Variants in HCN1 observed in about 807,000 individuals in gnomAD.
HCN1 encodes potassium/sodium hyperpolarization-activated cyclic nucleotide-gated channel 1.
Under a neutral mutation model 78.9 loss-of-function variants are expected in HCN1, and 13 were observed. The ratio of observed to expected loss-of-function variants is 0.16; its 90% CI spans 0.11 to 0.26. The LOEUF is 0.26. Ranked by LOEUF, HCN1 falls within the 10% of genes least tolerant of loss-of-function variation. The pLI is 1.00. For missense variants in HCN1, 810 were observed against 1,154.3 expected, an observed-to-expected ratio of 0.70 and a Z score of 4.32; for synonymous variants, 552 against 455.5, an observed-to-expected ratio of 1.21 and a Z score of -2.70.
chr5:45,539,385 G>A (rs947671550), intron 2 of HCN1, among the ~76,000 whole-genome samples: 48 of 151,102 alleles, frequency 3.2e-4, no homozygotes, highest in African/African-American at 3.6e-4. Context: ...AAATAAGGCC[G>A]GGTGTGGTGG....
intron 2 of HCN1, among the ~76,000 whole-genome samples, chr5:45,495,358 A>G (rs1418970563): frequency 7.1e-6 from 1 of 141,208 alleles, no homozygotes; most frequent in African/African-American, 2.7e-5. Context: ...TTCTCTTTGA[A>G]GCAATTGTGA....
chr5:45,652,982 G>A (rs1745705473), intron 1 of HCN1, among the ~76,000 whole-genome samples: 1 of 151,872 alleles, frequency 6.6e-6, no homozygotes, highest in Non-Finnish European at 1.5e-5. Context: ...ACCTGCCCTA[G>A]TAAATTGCCT....
At chr5:45,539,183 T>C (rs1014815430) in intron 2 of HCN1, among the ~76,000 whole-genome samples, 4 of 152,144 alleles carry the variant, frequency 2.6e-5, no homozygotes, top group African/African-American at 7.2e-5. Context: ...CTTAGACTTA[T>C]TTTATGTATT....
chr5:45,319,657 T>A (rs917966837), intron 5 of HCN1, among the ~76,000 whole-genome samples: 1 of 151,714 alleles, frequency 6.6e-6, no homozygotes, highest in African/African-American at 2.4e-5. Flanking sequence ...CTAAGTAGTA[T>A]CTTTTATTGT....
At chr5:45,403,726 G>A (rs145013320) in intron 3 of HCN1, among the ~76,000 whole-genome samples, 1 of 152,128 alleles carries the variant, frequency 6.6e-6, no homozygotes, top group Admixed American at 6.6e-5. Context: ...AGAAAAAATA[G>A]ATTGACTGTG....
At chr5:45,694,499 T>C (rs1739968799) in intron 1 of HCN1, among the ~76,000 whole-genome samples, 2 of 152,180 alleles carry the variant, frequency 1.3e-5, no homozygotes, top group African/African-American at 4.8e-5. Flanking sequence ...TGGTGACAAT[T>C]TCCCTTAGTT....
At chr5:45,502,192 G>C (rs1390205591) in intron 2 of HCN1, among the ~76,000 whole-genome samples, 1 of 151,970 alleles carries the variant, frequency 6.6e-6, no homozygotes, top group East Asian at 1.9e-4. Context: ...ATGAAGCCGG[G>C]TGTCGTGGCT....
intron 1 of HCN1, among the ~76,000 whole-genome samples, chr5:45,667,140 G>C (rs116720185): frequency 2.6e-5 from 4 of 151,908 alleles, no homozygotes; most frequent in African/African-American, 9.7e-5. Flanking sequence ...AACCTCACCT[G>C]CTTTCAAGAA....
At chr5:45,403,132 G>C (rs1739857793) in intron 3 of HCN1, among the ~76,000 whole-genome samples, 1 of 152,034 alleles carries the variant, frequency 6.6e-6, no homozygotes, top group African/African-American at 2.4e-5. Context: ...GGCCAATATT[G>C]CTTTCTTTAG....
At chr5:45,450,827 A>G (rs147307779) in intron 3 of HCN1, among the ~76,000 whole-genome samples, 91 of 152,288 alleles carry the variant, frequency 6.0e-4, no homozygotes, top group Non-Finnish European at 9.6e-4. Context: ...GATAAAGGTT[A>G]TAAGTTTTAT....
chr5:45,320,391 A>G (rs1385795928), intron 5 of HCN1, among the ~76,000 whole-genome samples: 1 of 151,872 alleles, frequency 6.6e-6, no homozygotes, highest in Non-Finnish European at 1.5e-5. Flanking sequence ...GGTAAAGATA[A>G]TTCTAAGAAT....
At chr5:45,377,075 A>G (rs1164394999) in intron 4 of HCN1, among the ~76,000 whole-genome samples, 1 of 152,026 alleles carries the variant, frequency 6.6e-6, no homozygotes, top group African/African-American at 2.4e-5. Context: ...ACTAGGCAGA[A>G]CTAGAGAAAA....
rs111979493 is a variant in HCN1 at position 45,309,843 on chromosome 5, T to A, written c.1378-6004A>T. ...TGAAGTTTTCTTTTTTTGTTGTTTCTTTGCCAGGTTTGGTATCAGGATGAT... is the reference window on the plus strand; with the variant it reads ...TGAAGTTTTCTTTTTTTGTTGTTTCATTGCCAGGTTTGGTATCAGGATGAT... On this transcript the variant is annotated intron_variant, in intron 5 of 7. Transcript: ENST00000303230. Among the ~76,000 whole-genome samples, 49 of 152,232 alleles carry A rather than the reference T, an allele frequency of 3.2e-4. No homozygotes were observed. In the South Asian group the frequency reaches 6.0e-3, roughly 19 times the overall value.
intron 2 of HCN1, among the ~76,000 whole-genome samples, chr5:45,475,006 T>C (rs1741483248): frequency 1.3e-5 from 2 of 152,026 alleles, no homozygotes; most frequent in Admixed American, 1.3e-4. Flanking sequence ...AAATAACCTG[T>C]ATATCTTTTG....
intron 4 of HCN1, among the ~76,000 whole-genome samples, chr5:45,389,166 G>A (rs1160334754): frequency 6.6e-6 from 1 of 152,058 alleles, no homozygotes. Flanking sequence ...CTTATCTAGA[G>A]TCATTTCACC....
chr5:45,645,244 T>C lies in HCN1; in HGVS notation c.790A>G (p.Ser264Gly), dbSNP rs763339068. The C allele has an allele frequency of 6.2e-7, 1 of 1,613,634 alleles. No individual in the cohort carries two copies. The highest frequency in any genetic ancestry group is 1.7e-5 in the Admixed American group (1 of 59,882). ...LRIVRFTKIL[S>G]LLRLLRLSRL... Reference sequence around the variant, plus strand: ...GAAAGTCGTAATAAACGCAAGAGACTGAGAATTTTTGTAAACCTCACAATG... The same window carrying C: ...GAAAGTCGTAATAAACGCAAGAGACCGAGAATTTTTGTAAACCTCACAATG... Residue 264 changes from serine to glycine, a missense_variant, in exon 2 of 8, where the codon AGT (serine) becomes GGT (glycine). Physicochemically the swap from Ser to Gly is moderately conservative, Grantham distance 56. Transcript: ENST00000303230.
chr5:45,324,959 G>A (rs1359267556), intron 5 of HCN1, among the ~76,000 whole-genome samples: 3 of 151,748 alleles, frequency 2.0e-5, no homozygotes, highest in Non-Finnish European at 4.4e-5. Flanking sequence ...AGTGCCCAAG[G>A]AAATGACAGC....
chr5:45,333,833 C>G (rs1054297039), intron 5 of HCN1, among the ~76,000 whole-genome samples: 4 of 151,744 alleles, frequency 2.6e-5, no homozygotes, highest in Admixed American at 6.6e-5. Context: ...ACATTCCCAC[C>G]AAACGTGTAC....
At chr5:45,433,165 A>C (rs1414762299) in intron 3 of HCN1, among the ~76,000 whole-genome samples, 2 of 152,094 alleles carry the variant, frequency 1.3e-5, no homozygotes, top group Non-Finnish European at 2.9e-5. Context: ...TCAGATGGAC[A>C]CGTTTGTTGA....
Sources: allele counts gnomAD v4.1 joint callset (sites outside exome capture counted in the v4.1 genomes callset), GRCh38; gene constraint gnomAD v4.1.1; transcripts MANE v1.5; gene names NCBI Gene and HGNC (gene_info 2026-07-23, HGNC 2026-07-21).